The following NCOA3 variants were observed in gnomAD, a reference collection of about 807,000 sequenced individuals.
NCOA3 encodes the protein nuclear receptor coactivator 3, also known as CBP-interacting protein.
A neutral mutation model predicts 158.8 loss-of-function variants in NCOA3; 51 were observed. The ratio of observed to expected loss-of-function variants is 0.32; its 90% CI spans 0.26 to 0.41. The LOEUF is 0.41. NCOA3 is among the 10% of genes least tolerant of loss of function. NCOA3 has a pLI of 1.00. For synonymous variants in NCOA3, 537 were observed against 592.4 expected, an observed-to-expected ratio of 0.91 and a Z score of 1.36; for missense variants, 1,510 against 1,746.6, an observed-to-expected ratio of 0.86 and a Z score of 2.41.
rs762276654 is a variant in NCOA3 at position 47,639,774 on chromosome 20, C to A, written c.2905C>A (p.Pro969Thr). The change falls in exon 15 of 23, where the codon CCA becomes ACA. Residue 969 changes from proline to threonine, a missense_variant. Pro to Thr is a conservative substitution (Grantham distance 38). This residue lies in a region of NCOA3 where 1,017 missense variants were observed against 1,098.3 expected (regional missense o/e 0.93). Coordinates refer to ENST00000371998, the MANE Select transcript of NCOA3 (RefSeq NM_181659.3). Reference protein sequence around the residue: ...PTLPLRSNSIPGARPVLQQQQ... With the variant: ...PTLPLRSNSITGARPVLQQQQ... ...ATTGCCTCTTCGGTCTAATAGCATACCAGGTGCGAGACCAGTATTGCAACA... is the reference window on the plus strand; with the variant it reads ...ATTGCCTCTTCGGTCTAATAGCATAACAGGTGCGAGACCAGTATTGCAACA... 3 of 1,614,204 alleles carry A rather than the reference C, an allele frequency of 1.9e-6. No homozygotes were observed. The highest frequency in any genetic ancestry group is 2.5e-6 in the Non-Finnish European group (3 of 1,180,040).
intron 2 of NCOA3, among the ~76,000 whole-genome samples, chr20:47,619,637 C>T (rs1398284579): frequency 4.9e-5 from 7 of 143,942 alleles, no homozygotes; most frequent in Non-Finnish European, 1.1e-4. Flanking sequence ...ACAGTAAGAC[C>T]CTGTCTTTAA....
chr20:47,505,800 CTTTTT>C (rs11434305), intron 1 of NCOA3, among the ~76,000 whole-genome samples: 3 of 119,158 alleles, frequency 2.5e-5, no homozygotes, highest in Non-Finnish European at 3.3e-5. Flanking sequence ...GCATTTTCTC[CTTTTT>C]TTTTTTTTTT....
At position 47,638,954 on chromosome 20, in the gene NCOA3, G is replaced by C. The variant is rs1418847816; in HGVS notation, c.2513-54G>C. On this transcript the variant is annotated intron_variant, in intron 13 of 22. Transcript: ENST00000371998. ...GTGGTGGTATTTGTGTTTTGTACTT[G>C]ATTATTTATATATTAAATCACGAAG... 4 of 1,413,076 alleles carry C rather than the reference G, an allele frequency of 2.8e-6. No homozygotes were observed. The East Asian group carries it at 9.6e-5, about 34-fold the overall frequency. The allele number at this position is 1,413,076 out of a possible 1,614,324, so 87.5% of individuals were successfully genotyped here.
At chr20:47,506,869 T>A (rs2084038882) in intron 1 of NCOA3, among the ~76,000 whole-genome samples, 1 of 152,196 alleles carries the variant, frequency 6.6e-6, no homozygotes, top group African/African-American at 2.4e-5. Context: ...TCTGTTGAAA[T>A]GTTTAATTTC....
intron 1 of NCOA3, among the ~76,000 whole-genome samples, chr20:47,582,490 G>A (rs1239970730): frequency 1.3e-5 from 2 of 152,180 alleles, no homozygotes; most frequent in Non-Finnish European, 2.9e-5. Context: ...TGGGATTCGA[G>A]GCATGAGCCA....
In NCOA3 at chr20:47,590,870, G is replaced by A. The variant is rs555466631; in HGVS notation, c.-20+7609G>A. Among the ~76,000 whole-genome samples, 3 of 152,242 alleles carry A rather than the reference G, an allele frequency of 2.0e-5. No homozygotes were observed. In the South Asian group the frequency reaches 6.2e-4, roughly 32 times the overall value. On this transcript the variant is annotated intron_variant, in intron 2 of 22. Coordinates refer to ENST00000371998, the MANE Select transcript of NCOA3 (RefSeq NM_181659.3). ...CATACCTGTAGTCCCAGCACTTTGG[G>A]AGGCTGAGGCAGGTTGATCACCTGA...
chr20:47,507,129 C>A (rs1337745006), intron 1 of NCOA3, among the ~76,000 whole-genome samples: 1 of 152,106 alleles, frequency 6.6e-6, no homozygotes, highest in Non-Finnish European at 1.5e-5. Flanking sequence ...TTAGGATAAG[C>A]CTTATGGTTA....
At chr20:47,526,567 C>T (rs1009303823) in intron 1 of NCOA3, among the ~76,000 whole-genome samples, 8 of 152,216 alleles carry the variant, frequency 5.3e-5, no homozygotes, top group African/African-American at 9.6e-5. Flanking sequence ...GAGACTAGCC[C>T]GGCCAACACA....
chr20:47,624,819 C>A (rs564910634), intron 4 of NCOA3, among the ~76,000 whole-genome samples: 17 of 152,278 alleles, frequency 1.1e-4, no homozygotes, highest in African/African-American at 3.9e-4. Context: ...GTCTCTCGGG[C>A]TGGAGTGCAG....
intron 2 of NCOA3, among the ~76,000 whole-genome samples, chr20:47,608,571 C>T (rs745850869): frequency 4.9e-5 from 7 of 141,924 alleles, no homozygotes; most frequent in African/African-American, 1.1e-4. Flanking sequence ...ACCAGCAGAT[C>T]GAGGCTACAG....
chr20:47,648,822 A>G (rs968839627), intron 18 of NCOA3, among the ~76,000 whole-genome samples, 183 bp from the exon 19 acceptor site: 1 of 152,176 alleles, frequency 6.6e-6, no homozygotes, highest in Non-Finnish European at 1.5e-5. Flanking sequence ...ATCATATGCT[A>G]GCCAAAGACT....
intron 1 of NCOA3, among the ~76,000 whole-genome samples, chr20:47,556,611 C>T (rs1870848198): frequency 1.3e-5 from 2 of 152,072 alleles, no homozygotes; most frequent in African/African-American, 2.4e-5. Flanking sequence ...CAACCTCCGC[C>T]TCCTGGGTGC....
chr20:47,638,444 T>C (rs2086551758), intron 13 of NCOA3, among the ~76,000 whole-genome samples: 1 of 152,148 alleles, frequency 6.6e-6, no homozygotes, highest in African/African-American at 2.4e-5. Flanking sequence ...ATATATTGTG[T>C]GTGTCAATTG....
chr20:47,529,941 A>C (rs978527899), intron 1 of NCOA3, among the ~76,000 whole-genome samples: 2 of 152,254 alleles, frequency 1.3e-5, no homozygotes, highest in Admixed American at 1.3e-4. Flanking sequence ...AGAACCGCAG[A>C]CATTCTGGAT....
intron 1 of NCOA3, among the ~76,000 whole-genome samples, chr20:47,564,148 C>G (rs774583762): frequency 5.6e-5 from 7 of 123,920 alleles, no homozygotes; most frequent in Non-Finnish European, 8.5e-5. Flanking sequence ...GACCCTGTCT[C>G]AAAAAACGAA....
At chr20:47,541,190 C>T (rs1048545248) in intron 1 of NCOA3, among the ~76,000 whole-genome samples, 2 of 151,780 alleles carry the variant, frequency 1.3e-5, no homozygotes, top group South Asian at 2.1e-4. Flanking sequence ...ACTCTTGCCA[C>T]GTTTTCAATC....
chr20:47,504,940 T>A (rs1315440887), intron 1 of NCOA3, among the ~76,000 whole-genome samples: 4 of 148,786 alleles, frequency 2.7e-5, no homozygotes, highest in African/African-American at 9.8e-5. Context: ...AGGGTAAGAT[T>A]TAAAAACTCT....
At chr20:47,615,393 T>C (rs976834176) in intron 2 of NCOA3, among the ~76,000 whole-genome samples, 6 of 152,236 alleles carry the variant, frequency 3.9e-5, no homozygotes, top group African/African-American at 1.2e-4. Context: ...CTGGTAGTGT[T>C]GATTGATATC....
intron 17 of NCOA3, among the ~76,000 whole-genome samples, chr20:47,644,542 A>G (rs2080761439): frequency 6.6e-6 from 1 of 152,158 alleles, no homozygotes; most frequent in Non-Finnish European, 1.5e-5. Flanking sequence ...GCTTTTATCA[A>G]GTATCTGGTG....
Sources: allele counts gnomAD v4.1 joint callset (sites outside exome capture counted in the v4.1 genomes callset), GRCh38; gene constraint gnomAD v4.1.1; regional missense constraint gnomAD v4.1.1; transcripts MANE v1.5; gene names NCBI Gene and HGNC (gene_info 2026-07-23, HGNC 2026-07-21).